SFMBT2: variants seen among roughly 807,000 people sequenced by gnomAD.
SFMBT2 encodes scm-like with four MBT domains protein 2.
In SFMBT2, 38 loss-of-function variants were observed where a neutral mutation model predicts 110.1. The observed-to-expected ratio is 0.35, with a 90% CI of 0.27 to 0.45. The LOEUF is 0.45. SFMBT2 is among the 20% of genes least tolerant of loss of function. SFMBT2 has a pLI of 1.00. For synonymous variants in SFMBT2, 425 were observed against 425.4 expected, an observed-to-expected ratio of 1.00 and a Z score of 0.01; for missense variants, 1,011 against 1,094.9, an observed-to-expected ratio of 0.92 and a Z score of 1.08.
At chr10:7,210,688 G>T (rs543399422) in intron 11 of SFMBT2, among the ~76,000 whole-genome samples, 1 of 152,370 alleles carries the variant, frequency 6.6e-6, no homozygotes, top group East Asian at 1.9e-4. Flanking sequence ...GTGCCCGCAA[G>T]CAAGACCTGG....
chr10:7,290,773 G>T (rs1400039535), intron 4 of SFMBT2, among the ~76,000 whole-genome samples: 2 of 152,082 alleles, frequency 1.3e-5, no homozygotes, highest in Non-Finnish European at 2.9e-5. Context: ...GGAGTTCGAA[G>T]CTGCAGTGGG....
chr10:7,159,727 C>G lies in SFMBT2; in HGVS notation c.*4043G>C, dbSNP rs550290265. The G allele has an allele frequency of 6.6e-6, 1 of 152,162 alleles. No individual in the cohort carries two copies. The highest frequency in any genetic ancestry group is 1.9e-4 in the East Asian group (1 of 5,198). The allele number at this position is 152,162 out of a possible 1,614,324, so 9.4% of individuals were successfully genotyped here. A position where few individuals can be genotyped will look rare whatever the true frequency, so the allele number is the denominator to read the frequency against. ...TCTCAATCCAAAAGCAGCAAAGATG[C>G]TCAAACCACAACAAAGATTTTTAAC... is the stretch of plus-strand genomic sequence containing the variant. On this transcript the variant is annotated 3_prime_UTR_variant, in exon 21 of 21. Coordinates refer to ENST00000397167, the MANE Select transcript of SFMBT2 (RefSeq NM_001387889.1).
Position 7,248,727 on chromosome 10 carries a change from A to G in SFMBT2, c.871-78T>C. 3 of 1,336,682 alleles carry G rather than the reference A, an allele frequency of 2.2e-6. No homozygotes were observed. In the East Asian group the frequency reaches 7.2e-5, roughly 32 times the overall value. 82.8% of individuals were successfully genotyped at this position (1,336,682 alleles called of 1,614,324 possible). ...AGCCACTGTCCGGATGCGCTCCTGG[A>G]GCATTTTATTGGGCAACCAAAATCT... is the stretch of plus-strand genomic sequence containing the variant. On this transcript the variant is annotated intron_variant, in intron 7 of 20. Transcript: ENST00000397167.
intron 15 of SFMBT2, among the ~76,000 whole-genome samples, chr10:7,194,358 T>G (rs942433): frequency 0.29 from 43,453 of 152,050 alleles, 7,312 homozygotes; most frequent in South Asian, 0.46. Context: ...AACTTCGTCC[T>G]CTCTTATAAA....
intron 4 of SFMBT2, among the ~76,000 whole-genome samples, chr10:7,306,296 A>T (rs1411545119): frequency 6.6e-6 from 1 of 152,280 alleles, no homozygotes; most frequent in African/African-American, 2.4e-5. Context: ...TGCAAGGCTC[A>T]GAAGCCAAGA....
chr10:7,163,551 G>C lies in SFMBT2; in HGVS notation c.*219C>G. On this transcript the variant is annotated 3_prime_UTR_variant, in exon 21 of 21. Transcript: ENST00000397167. The surrounding 1 kb of genome is among the most constrained non-coding windows in gnomAD (Gnocchi z 4.8). Reference sequence around the variant, plus strand: ...CCACGTCTGGCAGGGTCTGATGCATGACTTTAACTGGCACTCCCCAGAAGC... The same window carrying C: ...CCACGTCTGGCAGGGTCTGATGCATCACTTTAACTGGCACTCCCCAGAAGC... The C allele has an allele frequency of 2.0e-6, 1 of 510,756 alleles. No homozygotes were observed. The allele number at this position is 510,756 out of a possible 1,614,324, so 31.6% of individuals were successfully genotyped here. A position where few individuals can be genotyped will look rare whatever the true frequency, so the allele number is the denominator to read the frequency against.
At chr10:7,296,189 T>G (rs1217740984) in intron 4 of SFMBT2, among the ~76,000 whole-genome samples, 4 of 152,342 alleles carry the variant, frequency 2.6e-5, no homozygotes, top group African/African-American at 9.6e-5. Flanking sequence ...CTCCAGTCCT[T>G]CTCTAGCTGC....
chr10:7,177,816 C>T (rs1048042383), intron 16 of SFMBT2, among the ~76,000 whole-genome samples: 39 of 151,674 alleles, frequency 2.6e-4, no homozygotes, highest in African/African-American at 9.2e-4. Context: ...TATGATTGTA[C>T]CACTGTACTC....
intron 1 of SFMBT2, among the ~76,000 whole-genome samples, chr10:7,410,572 C>A (rs1361785162): frequency 1.1e-4 from 17 of 152,120 alleles, no homozygotes; most frequent in Non-Finnish European, 2.4e-4. Flanking sequence ...GCGAAGGGGA[C>A]CCGGGAAGCA....
rs896730728 is a variant in SFMBT2, at chr10:7,327,341, T to TC, written c.436+40307dup. ...CAGTTTCATCACCCCGAAAAAAAAA[T>TC]CCCTCCTTCTGTTTATCTTCACAGT... On this transcript the variant is annotated intron_variant, in intron 4 of 20. Coordinates refer to ENST00000397167, the MANE Select transcript of SFMBT2 (RefSeq NM_001387889.1). Among the ~76,000 whole-genome samples, 120 of 151,706 alleles carry TC rather than the reference T, an allele frequency of 7.9e-4. 1 individual carries two copies. The highest frequency in any genetic ancestry group is 3.4e-3 in the Middle Eastern group (1 of 294).
chr10:7,190,663 T>C (rs779049095), intron 15 of SFMBT2, among the ~76,000 whole-genome samples: 3 of 152,246 alleles, frequency 2.0e-5, no homozygotes, highest in Admixed American at 1.3e-4. Context: ...ACAGCTGCTA[T>C]GACTAGCCAC....
At chr10:7,316,393 T>C (rs1843012725) in intron 4 of SFMBT2, among the ~76,000 whole-genome samples, 1 of 152,084 alleles carries the variant, frequency 6.6e-6, no homozygotes, top group Admixed American at 6.6e-5. Context: ...GGGTGGAGGC[T>C]GGTGGGCCCA....
chr10:7,167,219 G>A (rs11814864), intron 20 of SFMBT2, among the ~76,000 whole-genome samples: 5,178 of 152,274 alleles, frequency 0.034, 271 homozygotes, highest in African/African-American at 0.11. Flanking sequence ...GAGCATTTGA[G>A]CAGTCTGCTT....
chr10:7,260,191 A>G (rs1347067509), intron 7 of SFMBT2, among the ~76,000 whole-genome samples: 1 of 152,160 alleles, frequency 6.6e-6, no homozygotes. Context: ...CAGACCAGTC[A>G]CCTGAAATGG....
At chr10:7,281,108 T>C (rs370246050) in intron 6 of SFMBT2, among the ~76,000 whole-genome samples, 14 of 152,070 alleles carry the variant, frequency 9.2e-5, no homozygotes, top group African/African-American at 2.9e-4. Context: ...TAGCCAGGGA[T>C]GGTGGCACAT....
intron 1 of SFMBT2, among the ~76,000 whole-genome samples, chr10:7,391,465 CAA>C (rs1197734483): frequency 1.5e-4 from 12 of 81,212 alleles, no homozygotes; most frequent in East Asian, 7.5e-4. Context: ...GACTCTGTCT[CAA>C]AAAAAAAAAA....
chr10:7,350,453 G>A (rs928184362), intron 4 of SFMBT2, among the ~76,000 whole-genome samples: 4 of 152,234 alleles, frequency 2.6e-5, no homozygotes, highest in Middle Eastern at 3.4e-3. Context: ...CACCCATGAC[G>A]GCTCCAGCTT....
At chr10:7,368,061 A>C (rs1276489558) in intron 3 of SFMBT2, among the ~76,000 whole-genome samples, 172 bp from the exon 4 acceptor site, 1 of 152,238 alleles carries the variant, frequency 6.6e-6, no homozygotes, top group Non-Finnish European at 1.5e-5. Context: ...GTAATGCTAA[A>C]CTTTACATTT....
intron 20 of SFMBT2, among the ~76,000 whole-genome samples, chr10:7,169,701 T>C (rs1003356016): frequency 6.6e-6 from 1 of 152,096 alleles, no homozygotes; most frequent in African/African-American, 2.4e-5. Context: ...AGCCTGGCAT[T>C]TTCTGCAAGG....
Sources: allele counts gnomAD v4.1 joint callset (sites outside exome capture counted in the v4.1 genomes callset), GRCh38; gene constraint gnomAD v4.1.1; non-coding constraint Gnocchi (gnomAD v3.1); transcripts MANE v1.5; gene names NCBI Gene and HGNC (gene_info 2026-07-23, HGNC 2026-07-21).